The following VAV2 variants were observed in gnomAD, a reference collection of about 807,000 sequenced individuals.
The protein encoded by VAV2 is vav guanine nucleotide exchange factor 2.
In VAV2, 67 loss-of-function variants were observed where a neutral mutation model predicts 132.5. That is an observed-to-expected ratio of 0.51 (90% CI 0.42 to 0.62). The LOEUF is 0.62. VAV2 is among the 20% of genes least tolerant of loss of function. The probability of loss-of-function intolerance (pLI) is 0.00; values close to 1 mark genes in which losing one functional copy is unlikely to be tolerated. For missense variants in VAV2, 938 were observed against 1,153.6 expected (o/e 0.81, Z 2.71); for synonymous variants, 492 against 443.5 (o/e 1.11, Z -1.37).
chr9:133,812,071 A>G lies in VAV2; in HGVS notation c.552+43T>C, dbSNP rs1554779481. 3.8e-6 allele frequency: 6 copies of G among 1,591,082 alleles called. No individual in the cohort carries two copies. In the South Asian group the frequency reaches 5.5e-5, roughly 15 times the overall value. ...TAAGCAAGGGCCAGGCTGCTCTGCG[A>G]GGGAAGGGAGGGGAAGGGAGGGAGG... On this transcript the variant is annotated intron_variant, in intron 5 of 29. Transcript: ENST00000371850.
rs1483720681 is a variant in VAV2, at chr9:133,802,832, G to A, written c.836+3249C>T. On this transcript the variant is annotated intron_variant, in intron 9 of 29. Coordinates refer to ENST00000371850, the MANE Select transcript of VAV2 (RefSeq NM_001134398.2). This position sits in a 1 kb window ranked among gnomAD's most constrained non-coding sequence, Gnocchi z 5.8. ...CGTGGATTGAGGACCACAGGCCATG[G>A]GCTCAGGTATGGACCAAGGATGCAG... 6.6e-6 allele frequency among the ~76,000 whole-genome samples: 1 copy of A among 152,216 alleles called. No individual in the cohort carries two copies. The highest frequency in any genetic ancestry group is 1.5e-5 in the Non-Finnish European group (1 of 68,040).
intron 4 of VAV2, among the ~76,000 whole-genome samples, chr9:133,817,714 C>T (rs560239154): frequency 1.2e-4 from 18 of 152,240 alleles, no homozygotes; most frequent in Non-Finnish European, 1.9e-4. Flanking sequence ...CAAGCTGATC[C>T]AGCGAGTAGA....
At chr9:133,773,207 C>T (rs561574937) in intron 25 of VAV2, among the ~76,000 whole-genome samples, 6 of 144,006 alleles carry the variant, frequency 4.2e-5, no homozygotes, top group Non-Finnish European at 9.3e-5. Context: ...CTAGGCTGGA[C>T]GGCAAAGCCT....
At chr9:133,869,079 C>T (rs1837922631) in intron 2 of VAV2, among the ~76,000 whole-genome samples, 1 of 152,036 alleles carries the variant, frequency 6.6e-6, no homozygotes, top group African/African-American at 2.4e-5. Context: ...CCGCTGCAAC[C>T]TCTGCCTCCC....
rs562956419 is a variant in VAV2, at chr9:133,839,684, C to G, written c.381-5344G>C. Among the ~76,000 whole-genome samples the G allele has an allele frequency of 1.1e-3, 170 of 152,124 alleles. No individual in the cohort carries two copies. The Middle Eastern group carries it at 0.014, about 12-fold the overall frequency. On this transcript the variant is annotated intron_variant, in intron 3 of 29. Transcript: ENST00000371850. ...CATGCTGGTCTCAAACTCCTGACCTCGTGATCCGCCCGCCTCAGCCTCCCA... is the reference window on the plus strand; with the variant it reads ...CATGCTGGTCTCAAACTCCTGACCTGGTGATCCGCCCGCCTCAGCCTCCCA...
rs907873331 is a variant in VAV2 at position 133,956,785 on chromosome 9, G to A, written c.205-17566C>T. 2.0e-4 allele frequency among the ~76,000 whole-genome samples: 30 copies of A among 152,322 alleles called. No homozygotes were observed. The East Asian group carries it at 2.7e-3, about 14-fold the overall frequency. On this transcript the variant is annotated intron_variant, in intron 1 of 29. Transcript: ENST00000371850. ...TCAGGAATGCTGCAGCTGCAGCCTCGCCTTCCGCCCCCACCCAGGCGGGAG... is the reference window on the plus strand; with the variant it reads ...TCAGGAATGCTGCAGCTGCAGCCTCACCTTCCGCCCCCACCCAGGCGGGAG...
intron 21 of VAV2, among the ~76,000 whole-genome samples, chr9:133,779,466 T>C (rs1176325055): frequency 2.0e-5 from 3 of 152,212 alleles, no homozygotes; most frequent in Non-Finnish European, 4.4e-5. Flanking sequence ...CCGATGAGGG[T>C]GAGGCTGTAC....
intron 3 of VAV2, among the ~76,000 whole-genome samples, chr9:133,856,379 T>G (rs1489463840): frequency 6.6e-6 from 1 of 151,934 alleles, no homozygotes; most frequent in African/African-American, 2.4e-5. Flanking sequence ...CCCAGCCCAG[T>G]GAGGAGCCAG....
rs58155949 is a variant in VAV2, at chr9:133,802,323, TACACACACACAC to T, written c.836+3746_836+3757del. ...GCACACAAACACACAAGCACGCGTG[TACACACACACAC>T]ACACACACACACACACACACGACTT... On this transcript the variant is annotated intron_variant, in intron 9 of 29. Transcript: ENST00000371850. The surrounding 1 kb of genome is among the most constrained non-coding windows in gnomAD (Gnocchi z 5.8). Among the ~76,000 whole-genome samples, 726 of 142,196 alleles carry T rather than the reference TACACACACACAC, an allele frequency of 5.1e-3. 8 individuals are homozygous for T. The highest frequency in any genetic ancestry group is 0.018 in the African/African-American group (675 of 38,502). 93.3% of individuals were successfully genotyped at this position (142,196 alleles called of 152,430 possible). A position where few individuals can be genotyped will look rare whatever the true frequency, so the allele number is the denominator to read the frequency against.
At chr9:133,989,598 T>G (rs1215774532) in intron 1 of VAV2, among the ~76,000 whole-genome samples, 1 of 148,218 alleles carries the variant, frequency 6.7e-6, no homozygotes, top group Admixed American at 6.7e-5. Flanking sequence ...GGCAGCAGAA[T>G]CGCCTGAACC....
Position 133,769,309 on chromosome 9 carries a change from T to A in VAV2, c.2434+108A>T. 8.3e-7 allele frequency: 1 copy of A among 1,208,076 alleles called. No individual in the cohort carries two copies. The highest frequency in any genetic ancestry group is 1.5e-5 in the South Asian group (1 of 65,282). The allele number at this position is 1,208,076 out of a possible 1,614,324, so 74.8% of individuals were successfully genotyped here. A position where few individuals can be genotyped will look rare whatever the true frequency, so the allele number is the denominator to read the frequency against. ...CACCCAGTGCCAGACTGCGGACAAC[T>A]GTGGCCACGTCAGGCAGGGCTGTGG... On this transcript the variant is annotated intron_variant, in intron 28 of 29. Transcript: ENST00000371850. This position sits in a 1 kb window ranked among gnomAD's most constrained non-coding sequence, Gnocchi z 8.1.
chr9:133,938,320 G>A (rs1192756386), intron 2 of VAV2, among the ~76,000 whole-genome samples: 3 of 152,164 alleles, frequency 2.0e-5, no homozygotes, highest in African/African-American at 7.2e-5. Context: ...GAATCCATCA[G>A]GAAGCTATTG....
intron 2 of VAV2, among the ~76,000 whole-genome samples, chr9:133,881,872 G>A (rs559769797): frequency 6.6e-6 from 1 of 152,310 alleles, no homozygotes; most frequent in South Asian, 2.1e-4. Context: ...TGGGGAGGGC[G>A]CAGATCAGAC....
chr9:133,967,444 C>T (rs1489280118), intron 1 of VAV2, among the ~76,000 whole-genome samples: 2 of 152,212 alleles, frequency 1.3e-5, no homozygotes, highest in Non-Finnish European at 2.9e-5. Flanking sequence ...TGAGATATAT[C>T]TGCACTCCCA....
In VAV2 at chr9:133,772,045, A is replaced by G; in HGVS notation, c.2137T>C (p.Phe713Leu). The stretch of plus-strand genomic sequence containing the variant: ...TTGATGTGCTTCACCTCATCATTGA[A>G]CCTGAGCAAACACACGGCCCCGGCG... ...EAERFAISIK[F>L]NDEVKHIKVV... is the part of the protein sequence containing the mutation. Residue 713 changes from phenylalanine (F) to leucine (L), a missense_variant and splice_region_variant, in exon 26 of 30, where the codon TTC (phenylalanine) becomes CTC (leucine). Coordinates refer to ENST00000371850, the MANE Select transcript of VAV2 (RefSeq NM_001134398.2). 2 of 1,129,826 alleles carry G rather than the reference A, an allele frequency of 1.8e-6. No individual in the cohort carries two copies. The highest frequency in any genetic ancestry group is 1.2e-6 in the Non-Finnish European group (1 of 822,148). The allele number at this position is 1,129,826 out of a possible 1,614,324, so 70.0% of individuals were successfully genotyped here.
rs115570439 is a variant in VAV2, at chr9:133,838,066, G to A, written c.381-3726C>T. Among the ~76,000 whole-genome samples the A allele has an allele frequency of 6.7e-3, 1,027 of 152,232 alleles. 12 individuals are homozygous for A. Among genetic ancestry groups the A allele is most frequent in the African/African-American group, 0.023 (960 of 41,542 alleles). On this transcript the variant is annotated intron_variant, in intron 3 of 29. Transcript: ENST00000371850. ...CCGTGCACGGCCTCAGCGCCTGGCC[G>A]CTGGCGCAGGAATATGCAGGAGAAT...
intron 1 of VAV2, chr9:133,939,445 C>G (rs1841051874): frequency 1.7e-6 from 1 of 586,216 alleles, no homozygotes; most frequent in Non-Finnish European, 3.0e-6. Context: ...AGCAGGCAGA[C>G]CAGCTCCACA....
intron 1 of VAV2, among the ~76,000 whole-genome samples, chr9:133,967,261 T>C (rs1212514734): frequency 6.6e-6 from 1 of 152,082 alleles, no homozygotes; most frequent in Non-Finnish European, 1.5e-5. Context: ...AATCAACAGA[T>C]GCTGGCAAGG....
rs1288598134 is a variant in VAV2 at position 133,912,104 on chromosome 9, AT to A, written c.321+26998del. Among the ~76,000 whole-genome samples the A allele has an allele frequency of 1.3e-5, 2 of 152,074 alleles. No individual in the cohort carries two copies. The highest frequency in any genetic ancestry group is 2.9e-5 in the Non-Finnish European group (2 of 68,002). On this transcript the variant is annotated intron_variant, in intron 2 of 29. Transcript: ENST00000371850. The surrounding 1 kb of genome is among the most constrained non-coding windows in gnomAD (Gnocchi z 4.3). Reference sequence around the variant, plus strand: ...CCTCCCTGCCCTCCAAAGATGGCTGATTTTCAAAGATGGGGTGTCAGCTGAG... The same window carrying A: ...CCTCCCTGCCCTCCAAAGATGGCTGATTTCAAAGATGGGGTGTCAGCTGAG...
Sources: allele counts gnomAD v4.1 joint callset (sites outside exome capture counted in the v4.1 genomes callset), GRCh38; gene constraint gnomAD v4.1.1; non-coding constraint Gnocchi (gnomAD v3.1); transcripts MANE v1.5; gene names NCBI Gene and HGNC (gene_info 2026-07-23, HGNC 2026-07-21).